GNAQ: variants seen among roughly 807,000 people sequenced by gnomAD.
GNAQ encodes the protein G protein subunit alpha q.
In GNAQ, 8 loss-of-function variants were observed where a neutral mutation model predicts 43.9. That is an observed-to-expected ratio of 0.18 (90% CI 0.11 to 0.33). GNAQ has a LOEUF of 0.33. GNAQ is among the 10% of genes least tolerant of loss of function. The probability of loss-of-function intolerance (pLI) is 1.00; values close to 1 mark genes in which losing one functional copy is unlikely to be tolerated. For synonymous variants in GNAQ, 155 were observed against 170.7 expected (o/e 0.91, Z 0.71); for missense variants, 158 against 450.8 (o/e 0.35, Z 5.88).
At chr9:77,889,272 G>C (rs1419247237) in intron 2 of GNAQ, among the ~76,000 whole-genome samples, 2 of 151,472 alleles carry the variant, frequency 1.3e-5, no homozygotes, top group Non-Finnish European at 2.9e-5. Flanking sequence ...GCCGGGTGTG[G>C]TGGTGCGTGC....
intron 1 of GNAQ, among the ~76,000 whole-genome samples, chr9:78,005,471 TGAA>T (rs1377462176): frequency 6.6e-6 from 1 of 152,240 alleles, no homozygotes; most frequent in African/African-American, 2.4e-5. Context: ...TTGCCTCATG[TGAA>T]GAAGGAGGCC....
intron 2 of GNAQ, among the ~76,000 whole-genome samples, chr9:77,885,347 C>G (rs1469830761): frequency 6.6e-6 from 1 of 152,110 alleles, no homozygotes; most frequent in Non-Finnish European, 1.5e-5. Flanking sequence ...AAGCAAAACT[C>G]CAAGAACAAA....
At chr9:77,937,045 A>G (rs1829242293) in intron 1 of GNAQ, among the ~76,000 whole-genome samples, 3 of 152,306 alleles carry the variant, frequency 2.0e-5, no homozygotes, top group South Asian at 4.1e-4. Context: ...GTTTTGTACT[A>G]TAACAGGTGC....
chr9:77,774,471 A>G (rs1202472355), intron 5 of GNAQ, among the ~76,000 whole-genome samples: 1 of 152,170 alleles, frequency 6.6e-6, no homozygotes, highest in African/African-American at 2.4e-5. Flanking sequence ...AAAGAAAAGA[A>G]AAAATAGAGA....
chr9:77,986,698 G>T (rs933790456), intron 1 of GNAQ, among the ~76,000 whole-genome samples: 1 of 151,682 alleles, frequency 6.6e-6, no homozygotes, highest in Non-Finnish European at 1.5e-5. Flanking sequence ...TAGAGATGAG[G>T]GTCTCACTAT....
At chr9:77,831,670 T>A (rs925091529) in intron 2 of GNAQ, among the ~76,000 whole-genome samples, 1 of 152,194 alleles carries the variant, frequency 6.6e-6, no homozygotes, top group African/African-American at 2.4e-5. Context: ...TCACTAAACA[T>A]CTTGACCTTA....
At chr9:77,790,950 T>A (rs117855029) in intron 5 of GNAQ, among the ~76,000 whole-genome samples, 282 of 152,360 alleles carry the variant, frequency 1.9e-3, no homozygotes, top group Non-Finnish European at 3.5e-3. Flanking sequence ...TATAAACGTC[T>A]ATGCTTTCCT....
chr9:77,739,513 G>A lies in GNAQ; in HGVS notation c.736-10846C>T, dbSNP rs1016806648. On this transcript the variant is annotated intron_variant, in intron 5 of 6. Coordinates refer to ENST00000286548, the MANE Select transcript of GNAQ (RefSeq NM_002072.5). Reference sequence around the variant, plus strand: ...GAGTGTTTCAAAGAAGTTATTAAGAGAATGTTTGAAATAAGATTAAAACAG... The same window carrying A: ...GAGTGTTTCAAAGAAGTTATTAAGAAAATGTTTGAAATAAGATTAAAACAG... Among the ~76,000 whole-genome samples the A allele has an allele frequency of 6.6e-5, 10 of 152,188 alleles. 1 individual carries two copies. In the East Asian group the frequency reaches 1.9e-3, roughly 29 times the overall value.
chr9:77,824,817 T>G (rs901629573), intron 2 of GNAQ, among the ~76,000 whole-genome samples: 1 of 152,216 alleles, frequency 6.6e-6, no homozygotes, highest in African/African-American at 2.4e-5. Context: ...AAGTTTTTCT[T>G]CTGCTAAGAG....
intron 1 of GNAQ, among the ~76,000 whole-genome samples, chr9:77,981,484 C>T (rs1359290302): frequency 6.6e-6 from 1 of 152,144 alleles, no homozygotes; most frequent in Admixed American, 6.5e-5. Flanking sequence ...TGGAAGGCCA[C>T]GGCACAGCAG....
intron 2 of GNAQ, among the ~76,000 whole-genome samples, chr9:77,857,814 C>G (rs1827783404): frequency 1.3e-5 from 2 of 150,498 alleles, no homozygotes; most frequent in Admixed American, 1.3e-4. Flanking sequence ...TTCTTTTCTC[C>G]TGTTTACCTT....
At chr9:77,803,607 T>C (rs532851332) in intron 3 of GNAQ, among the ~76,000 whole-genome samples, 48 of 152,356 alleles carry the variant, frequency 3.2e-4, no homozygotes, top group Admixed American at 5.9e-4. Flanking sequence ...GCCATGACAT[T>C]ATGGTAGATG....
chr9:77,812,834 G>A (rs996188995), intron 3 of GNAQ, among the ~76,000 whole-genome samples: 7 of 151,948 alleles, frequency 4.6e-5, no homozygotes, highest in African/African-American at 1.7e-4. Context: ...AGCATAAAAT[G>A]TGATTAAAAA....
At chr9:77,992,308 A>G (rs1564172646) in intron 1 of GNAQ, among the ~76,000 whole-genome samples, 1 of 152,218 alleles carries the variant, frequency 6.6e-6, no homozygotes, top group East Asian at 1.9e-4. Flanking sequence ...AATTTCCGTA[A>G]CAGAAAAGTT....
chr9:77,728,686 T>G lies in GNAQ; in HGVS notation c.736-19A>C. Reference sequence around the variant, plus strand: ...TTCGGTTCTGGAAAAAAAAAAAAAATCAGAAAAAACAAGGAGTGAATTACA... The same window carrying G: ...TTCGGTTCTGGAAAAAAAAAAAAAAGCAGAAAAAACAAGGAGTGAATTACA... On this transcript the variant is annotated intron_variant, in intron 5 of 6. Transcript: ENST00000286548. 8.6e-6 allele frequency: 10 copies of G among 1,166,278 alleles called. No individual in the cohort carries two copies. The highest frequency in any genetic ancestry group is 1.2e-5 in the Non-Finnish European group (10 of 817,112). 72.2% of individuals were successfully genotyped at this position (1,166,278 alleles called of 1,614,324 possible).
intron 1 of GNAQ, among the ~76,000 whole-genome samples, chr9:78,028,123 C>A (rs1169503254): frequency 2.0e-5 from 3 of 151,884 alleles, no homozygotes; most frequent in Non-Finnish European, 4.4e-5. Context: ...AAAACATTAA[C>A]CAAGTTAAAA....
At chr9:77,845,663 A>G (rs1827573128) in intron 2 of GNAQ, among the ~76,000 whole-genome samples, 1 of 152,306 alleles carries the variant, frequency 6.6e-6, no homozygotes, top group South Asian at 2.1e-4. Flanking sequence ...TATAATCAGA[A>G]AGACGACCAC....
At position 77,721,449 on chromosome 9, in the gene GNAQ, T is replaced by G; in HGVS notation, c.954A>C (p.Pro318=). The G allele has an allele frequency of 6.2e-7, 1 of 1,612,930 alleles. No homozygotes were observed. The highest frequency in any genetic ancestry group is 8.5e-7 in the Non-Finnish European group (1 of 1,178,996). The change falls in exon 7 of 7, where the codon CCA becomes CCC. Residue 318 remains proline, a synonymous_variant. Transcript: ENST00000286548. ...GGGAGTAGATAATTTTGTCACTGTC[T>G]GGGTTCAGGTCCACGAACATCTTCA... The part of the protein sequence containing the change: ...FILKMFVDLN[P]DSDKIIYSHF...
At chr9:77,843,482 G>T (rs1276372499) in intron 2 of GNAQ, among the ~76,000 whole-genome samples, 1 of 152,192 alleles carries the variant, frequency 6.6e-6, no homozygotes, top group East Asian at 1.9e-4. Flanking sequence ...ATAATTGAGT[G>T]ATGATTTATT....
Sources: allele counts gnomAD v4.1 joint callset (sites outside exome capture counted in the v4.1 genomes callset), GRCh38; gene constraint gnomAD v4.1.1; transcripts MANE v1.5; gene names NCBI Gene and HGNC (gene_info 2026-07-23, HGNC 2026-07-21).